The following FILIP1L variants were observed in gnomAD, a reference collection of about 807,000 sequenced individuals.
FILIP1L encodes the protein filamin A interacting protein 1 like, also known as filamin A-interacting protein 1-like.
Under a neutral mutation model 96.6 loss-of-function variants are expected in FILIP1L, and 55 were observed. The ratio of observed to expected loss-of-function variants is 0.57; its 90% CI spans 0.46 to 0.71. FILIP1L has a LOEUF of 0.71. Ranked by LOEUF, FILIP1L falls within the 30% of genes least tolerant of loss-of-function variation. The pLI is 0.00. For missense variants in FILIP1L, 1,304 were observed against 1,321.2 expected (o/e 0.99, Z 0.20); for synonymous variants, 467 against 473.9 (o/e 0.99, Z 0.19).
At chr3:99,913,650 T>C (rs1011516809) in intron 4 of FILIP1L, among the ~76,000 whole-genome samples, 1 of 152,216 alleles carries the variant, frequency 6.6e-6, no homozygotes, top group African/African-American at 2.4e-5. Context: ...TATATGCTTG[T>C]AATAATCTTT....
At chr3:99,988,847 G>C (rs1045284388) in intron 1 of FILIP1L, among the ~76,000 whole-genome samples, 4 of 152,176 alleles carry the variant, frequency 2.6e-5, no homozygotes, top group Admixed American at 1.3e-4. Flanking sequence ...TCCAAATCTG[G>C]CAGGTGCCTT....
At position 99,849,064 on chromosome 3, in the gene FILIP1L, C is replaced by A. The variant is rs1420569525; in HGVS notation, c.2612G>T (p.Gly871Val). The A allele has an allele frequency of 6.2e-7, 1 of 1,614,126 alleles. No homozygotes were observed. Among genetic ancestry groups the A allele is most frequent in the Non-Finnish European group, 8.5e-7 (1 of 1,179,994 alleles). ...LWIPWMKSKEGHLQNGKMQTK... is the reference protein window; with the variant it reads ...LWIPWMKSKEVHLQNGKMQTK... ...TTGCATTTTTCCATTCTGAAGATGG[C>A]CCTCCTTGGATTTCATCCAGGGAAT... Residue 871 changes from glycine (G) to valine (V), a missense_variant, in exon 5 of 6, where the codon GGC becomes GTC. By Grantham distance (109) the Gly-to-Val change is moderately radical (BLOSUM62 -3). Coordinates refer to ENST00000477258, the MANE Select transcript of FILIP1L (RefSeq NM_001387850.1).
chr3:100,030,399 T>A (rs1237616678), intron 1 of FILIP1L, among the ~76,000 whole-genome samples: 2 of 152,168 alleles, frequency 1.3e-5, no homozygotes, highest in Non-Finnish European at 2.9e-5. Flanking sequence ...TAAGAGCTTT[T>A]CCAACTCTAA....
chr3:99,868,009 T>G (rs1944604979), intron 4 of FILIP1L, among the ~76,000 whole-genome samples: 1 of 152,216 alleles, frequency 6.6e-6, no homozygotes, highest in Admixed American at 6.5e-5. Flanking sequence ...TCTTTATTGT[T>G]TGTGGCTAGG....
At chr3:100,050,230 A>G (rs1053403402) in intron 1 of FILIP1L, among the ~76,000 whole-genome samples, 5 of 152,318 alleles carry the variant, frequency 3.3e-5, no homozygotes, top group Admixed American at 2.6e-4. Flanking sequence ...TCTTAAAAAT[A>G]TGACACTGTG....
At chr3:99,848,106 G>T (rs1295068607) in intron 5 of FILIP1L, 189 bp downstream of exon 5, 3 of 1,439,678 alleles carry the variant, frequency 2.1e-6, no homozygotes, top group Non-Finnish European at 2.7e-6. Flanking sequence ...GTGCACACTC[G>T]ATATGACTAT....
chr3:99,954,020 A>C (rs939238376), intron 1 of FILIP1L, among the ~76,000 whole-genome samples: 1 of 152,192 alleles, frequency 6.6e-6, no homozygotes, highest in African/African-American at 2.4e-5. Context: ...CCCTTAAGAG[A>C]GTTACCTTGT....
At chr3:99,979,976 G>T (rs1035111591) in intron 1 of FILIP1L, among the ~76,000 whole-genome samples, 1 of 151,848 alleles carries the variant, frequency 6.6e-6, no homozygotes, top group Non-Finnish European at 1.5e-5. Context: ...GAAGGAGGTG[G>T]TATGTAAGTT....
At chr3:100,043,015 G>C (rs1235978774) in intron 1 of FILIP1L, among the ~76,000 whole-genome samples, 1 of 152,262 alleles carries the variant, frequency 6.6e-6, no homozygotes, top group East Asian at 1.9e-4. Context: ...AACATAGCCT[G>C]TGCTGGTCAC....
At chr3:100,027,018 G>A (rs2064936204) in intron 1 of FILIP1L, among the ~76,000 whole-genome samples, 1 of 152,060 alleles carries the variant, frequency 6.6e-6, no homozygotes, top group Admixed American at 6.6e-5. Flanking sequence ...CTTTGTCCTT[G>A]CTGTTCCCTA....
chr3:99,877,558 A>T (rs1705575774), intron 4 of FILIP1L, among the ~76,000 whole-genome samples: 1 of 151,698 alleles, frequency 6.6e-6, no homozygotes, highest in African/African-American at 2.4e-5. Context: ...CAGTATACTA[A>T]GAGATGTGAA....
At chr3:99,979,896 G>A (rs1022858916) in intron 1 of FILIP1L, among the ~76,000 whole-genome samples, 3 of 152,130 alleles carry the variant, frequency 2.0e-5, no homozygotes, top group African/African-American at 7.2e-5. Context: ...GAGAGAGAGC[G>A]GGACAAAGTG....
intron 1 of FILIP1L, among the ~76,000 whole-genome samples, chr3:100,100,679 T>A (rs1251944168): frequency 4.6e-5 from 7 of 152,188 alleles, no homozygotes; most frequent in Admixed American, 2.0e-4. Context: ...ATGAAAGGAC[T>A]ATTGACCCTT....
chr3:99,954,402 G>C (rs1708261841), intron 1 of FILIP1L, among the ~76,000 whole-genome samples: 1 of 152,194 alleles, frequency 6.6e-6, no homozygotes, highest in East Asian at 1.9e-4. Context: ...ATGGCTCCCA[G>C]TTTAACACAA....
At chr3:99,841,939 T>C (rs909027819) in intron 5 of FILIP1L, among the ~76,000 whole-genome samples, 2 of 152,154 alleles carry the variant, frequency 1.3e-5, no homozygotes, top group African/African-American at 2.4e-5. Flanking sequence ...CTTAAAGAAC[T>C]AAAAGTAGAT....
chr3:99,950,122 G>T (rs1194710925), intron 1 of FILIP1L, among the ~76,000 whole-genome samples: 1 of 152,178 alleles, frequency 6.6e-6, no homozygotes, highest in Non-Finnish European at 1.5e-5. Context: ...ACAAAAGTAG[G>T]TAAAGTTTAT....
At chr3:99,920,359 T>C (rs1340306623) in intron 4 of FILIP1L, among the ~76,000 whole-genome samples, 2 of 152,152 alleles carry the variant, frequency 1.3e-5, no homozygotes, top group Non-Finnish European at 2.9e-5. Flanking sequence ...ATTTCACTTA[T>C]GGGAAAATTT....
chr3:99,957,465 G>T lies in FILIP1L; in HGVS notation c.-10-26435C>A, dbSNP rs148823672. 5.7e-3 allele frequency among the ~76,000 whole-genome samples: 865 copies of T among 151,878 alleles called. 4 individuals are homozygous for T. Among genetic ancestry groups the T allele is most frequent in the South Asian group, 7.5e-3 (36 of 4,808 alleles). On this transcript the variant is annotated intron_variant, in intron 1 of 5. Transcript: ENST00000477258. ...ACACATATGTGTGTATATATATATA[G>T]AGAGAGAGACATGAAAGATCCTCAT... is the stretch of plus-strand genomic sequence containing the variant.
chr3:100,012,528 A>T (rs1710187615), intron 1 of FILIP1L, among the ~76,000 whole-genome samples: 1 of 152,198 alleles, frequency 6.6e-6, no homozygotes, highest in Non-Finnish European at 1.5e-5. Flanking sequence ...GTAGAAACTT[A>T]TGGGAATAAG....
Sources: gnomAD v4.1 joint callset for allele counts (sites outside exome capture counted in the v4.1 genomes callset) on GRCh38, gnomAD v4.1.1 for gene constraint, MANE v1.5 for transcripts, NCBI Gene and HGNC (gene_info 2026-07-23, HGNC 2026-07-21) for gene names.